C14orf39: variants seen among roughly 807,000 people sequenced by gnomAD.
C14orf39 encodes the protein protein SIX6OS1.
Under a neutral mutation model 85.6 loss-of-function variants are expected in C14orf39, and 66 were observed. The observed-to-expected ratio is 0.77, with a 90% CI of 0.63 to 0.95. C14orf39 has a LOEUF of 0.95. Among genes scored for constraint, C14orf39 ranks in the 40% least tolerant of loss-of-function variants. The pLI is 0.00. For missense variants in C14orf39, 735 were observed against 663.9 expected, an observed-to-expected ratio of 1.11 and a Z score of -1.18; for synonymous variants, 242 against 214.0, an observed-to-expected ratio of 1.13 and a Z score of -1.14.
At chr14:60,507,128 C>T (rs1312213987) in intron 1 of C14orf39, among the ~76,000 whole-genome samples, 1 of 152,160 alleles carries the variant, frequency 6.6e-6, no homozygotes, top group Non-Finnish European at 1.5e-5. Flanking sequence ...GCCTCTTCTG[C>T]GCGCTAAGGG....
chr14:60,503,828 C>T (rs532856527), intron 1 of C14orf39, among the ~76,000 whole-genome samples: 40 of 152,250 alleles, frequency 2.6e-4, no homozygotes, highest in African/African-American at 8.4e-4. Context: ...TGGCCTAGAC[C>T]CAAGATGAAA....
chr14:60,458,581 T>C (rs916190006), intron 14 of C14orf39, 97 bp downstream of exon 14: 70 of 783,030 alleles, frequency 8.9e-5, no homozygotes, highest in Non-Finnish European at 3.6e-5. Context: ...TAACAACATC[T>C]CACATAAATC....
At chr14:60,487,643 T>C (rs2140172122), upstream of C14orf39, among the ~76,000 whole-genome samples, 1 of 152,336 alleles carries the variant, frequency 6.6e-6, no homozygotes, top group East Asian at 1.9e-4. Flanking sequence ...TGGATATGTA[T>C]TCAAAAGTGG....
At chr14:60,469,035 C>T (rs1891935697) in intron 8 of C14orf39, among the ~76,000 whole-genome samples, 1 of 151,252 alleles carries the variant, frequency 6.6e-6, no homozygotes, top group South Asian at 2.1e-4. Flanking sequence ...AAATAAAAGC[C>T]ACAATTTCAT....
At chr14:60,470,142 C>T (rs757741274) in intron 7 of C14orf39, among the ~76,000 whole-genome samples, 1 of 151,700 alleles carries the variant, frequency 6.6e-6, no homozygotes, top group African/African-American at 2.4e-5. Context: ...CTCTGTAAGG[C>T]TCATCAGTGT....
At chr14:60,485,404 C>G (rs141437264) in intron 1 of C14orf39, among the ~76,000 whole-genome samples, 1 of 152,292 alleles carries the variant, frequency 6.6e-6, no homozygotes, top group African/African-American at 2.4e-5. Flanking sequence ...TCACGGACAC[C>G]CAGATTTCTC....
At chr14:60,469,474 A>G in intron 8 of C14orf39, 59 bp downstream of exon 8, 1 of 688,804 alleles carries the variant, frequency 1.5e-6, no homozygotes. Context: ...CTGTCAACTA[A>G]CATACCATTA....
At position 60,491,721 on chromosome 14, in the gene C14orf39, C is replaced by T. The variant is rs982681965; in HGVS notation, c.-8-6635G>A. On this transcript the variant is annotated intron_variant, in intron 2 of 5. Coordinates refer to the C14orf39 transcript ENST00000556799. The surrounding 1 kb of genome is among the most constrained non-coding windows in gnomAD (Gnocchi z 4.5). Reference sequence around the variant, plus strand: ...CTGGATTATTGTACTAACTTCCAAACTGGTTTTGCCACATATCTACTCTAG... The same window carrying T: ...CTGGATTATTGTACTAACTTCCAAATTGGTTTTGCCACATATCTACTCTAG... Among the ~76,000 whole-genome samples, 6 of 152,124 alleles carry T rather than the reference C, an allele frequency of 3.9e-5. No individual in the cohort carries two copies. Among genetic ancestry groups the T allele is most frequent in the Non-Finnish European group, 8.8e-5 (6 of 68,002 alleles).
chr14:60,513,636 G>A (rs1462085193), intron 1 of C14orf39, among the ~76,000 whole-genome samples: 1 of 152,122 alleles, frequency 6.6e-6, no homozygotes, highest in Non-Finnish European at 1.5e-5. Flanking sequence ...CCAAGTCCTA[G>A]AGGGATGGGA....
chr14:60,466,046 T>C lies in C14orf39; in HGVS notation c.905A>G (p.Glu302Gly). Residue 302 changes from glutamate to glycine, a missense_variant, in exon 11 of 18, where the codon GAA becomes GGA. Coordinates refer to ENST00000321731, the MANE Select transcript of C14orf39 (RefSeq NM_174978.3). ...CTTTGACTGCTTCGCAGAACTTTCT[T>C]CTTTTATATCTAGATTATTAAATAG... ...SSEPRVADIK[E>G]ESSAKQSKLA... 1.3e-6 allele frequency: 2 copies of C among 1,500,248 alleles called. No homozygotes were observed. Among genetic ancestry groups the C allele is most frequent in the East Asian group, 2.5e-5 (1 of 40,388 alleles). 92.9% of individuals were successfully genotyped at this position (1,500,248 alleles called of 1,614,324 possible).
Position 60,472,231 on chromosome 14 carries a change from T to C in C14orf39, c.324-492A>G, listed in dbSNP as rs190258461. On this transcript the variant is annotated intron_variant, in intron 5 of 17. Transcript: ENST00000321731. ...TTATCACATGAAGTCATGTTCTATG[T>C]ATTAGAACTCTTGTGTTCACCATCA... Among the ~76,000 whole-genome samples the C allele has an allele frequency of 2.9e-4, 10 of 34,864 alleles. No homozygotes were observed. The East Asian group carries it at 8.5e-3, about 30-fold the overall frequency. 22.9% of individuals were successfully genotyped at this position (34,864 alleles called of 152,430 possible). A position where few individuals can be genotyped will look rare whatever the true frequency, so the allele number is the denominator to read the frequency against.
intron 1 of C14orf39, among the ~76,000 whole-genome samples, chr14:60,502,182 C>T (rs886846101): frequency 6.6e-5 from 10 of 152,140 alleles, no homozygotes; most frequent in Admixed American, 5.2e-4. Flanking sequence ...CTCCCATCTA[C>T]CTTCAGAAAT....
At chr14:60,451,694 G>A (rs1212413817) in intron 16 of C14orf39, among the ~76,000 whole-genome samples, 6 of 134,098 alleles carry the variant, frequency 4.5e-5, no homozygotes, top group African/African-American at 1.4e-4. Context: ...TCATGGGGTA[G>A]GGGGTGGGGG....
At chr14:60,474,041 G>A (rs1892243350) in intron 5 of C14orf39, among the ~76,000 whole-genome samples, 1 of 152,148 alleles carries the variant, frequency 6.6e-6, no homozygotes, top group South Asian at 2.1e-4. Flanking sequence ...CATGAGCATG[G>A]AATGTTCTTC....
intron 1 of C14orf39, chr14:60,509,434 G>C (rs557328634): frequency 6.3e-7 from 1 of 1,599,720 alleles, no homozygotes; most frequent in South Asian, 1.1e-5. Flanking sequence ...TCAGCCCCCA[G>C]CAAGTGGCCG....
chr14:60,496,364 A>T lies in C14orf39; in HGVS notation c.-9+2932T>A, dbSNP rs1176429733. 8.8e-6 allele frequency: 3 copies of T among 342,774 alleles called. No individual in the cohort carries two copies. The East Asian group carries it at 2.1e-4, about 24-fold the overall frequency. 21.2% of individuals were successfully genotyped at this position (342,774 alleles called of 1,614,324 possible). A position where few individuals can be genotyped will look rare whatever the true frequency, so the allele number is the denominator to read the frequency against. On this transcript the variant is annotated intron_variant, in intron 2 of 5. Coordinates refer to the C14orf39 transcript ENST00000556799. ...CTGAAGAGTCACATTTGTGTTGGCC[A>T]CTTTCCCTTTGGGTAAATAGCTTAT...
At chr14:60,451,544 G>A (rs1891034754) in intron 16 of C14orf39, among the ~76,000 whole-genome samples, 1 of 152,070 alleles carries the variant, frequency 6.6e-6, no homozygotes, top group South Asian at 2.1e-4. Context: ...ATAGGGACAT[G>A]GATGAAGCTG....
chr14:60,442,909 AT>A (rs1890589172), intron 16 of C14orf39, among the ~76,000 whole-genome samples: 1 of 152,094 alleles, frequency 6.6e-6, no homozygotes, highest in Non-Finnish European at 1.5e-5. Context: ...TGAGAAAGTA[AT>A]TTTTTCCTTA....
At chr14:60,440,432 A>G (rs1226267200) in intron 17 of C14orf39, among the ~76,000 whole-genome samples, 1 of 152,134 alleles carries the variant, frequency 6.6e-6, no homozygotes, top group Non-Finnish European at 1.5e-5. Flanking sequence ...CCTTATATCC[A>G]GTCCATAAGC....
Sources: allele counts gnomAD v4.1 joint callset (sites outside exome capture counted in the v4.1 genomes callset), GRCh38; gene constraint gnomAD v4.1.1; non-coding constraint Gnocchi (gnomAD v3.1); transcripts MANE v1.5; gene names NCBI Gene and HGNC (gene_info 2026-07-23, HGNC 2026-07-21).